The following SNCB variants were observed in gnomAD, a reference collection of about 807,000 sequenced individuals.
SNCB encodes synuclein beta, also known as beta-synuclein.
Under a neutral mutation model 20.0 loss-of-function variants are expected in SNCB, and 8 were observed. The observed-to-expected ratio is 0.40, with a 90% CI of 0.24 to 0.72. The LOEUF is 0.72. SNCB is among the 30% of genes least tolerant of loss of function. The probability of loss-of-function intolerance (pLI) is 0.37; values close to 1 mark genes in which losing one functional copy is unlikely to be tolerated. For synonymous variants in SNCB, 56 were observed against 65.4 expected (o/e 0.86, Z 0.69); for missense variants, 125 against 168.0 (o/e 0.74, Z 1.41).
At position 176,629,747 on chromosome 5, in the gene SNCB, A is replaced by G. The variant is rs1320651006; in HGVS notation, c.-9-84T>C. On this transcript the variant is annotated intron_variant, in intron 1 of 5. Transcript: ENST00000393693. The surrounding 1 kb of genome is among the most constrained non-coding windows in gnomAD (Gnocchi z 4.1). ...TCCCGCGGGACGCAGATGCCCCCCT[A>G]CTCCCGAGACCGCGGCGCCCTTCTG... 6.6e-7 allele frequency: 1 copy of G among 1,507,144 alleles called. No homozygotes were observed. Among genetic ancestry groups the G allele is most frequent in the Admixed American group, 1.9e-5 (1 of 52,600 alleles). 93.4% of individuals were successfully genotyped at this position (1,507,144 alleles called of 1,614,324 possible). A position where few individuals can be genotyped will look rare whatever the true frequency, so the allele number is the denominator to read the frequency against.
rs769078703 is a variant in SNCB, at chr5:176,626,566, ACCGATGC to A, written c.164-57_164-51del. On this transcript the variant is annotated intron_variant, in intron 3 of 5. Coordinates refer to ENST00000393693, the MANE Select transcript of SNCB (RefSeq NM_003085.5). The surrounding 1 kb of genome is among the most constrained non-coding windows in gnomAD (Gnocchi z 4.2). Reference sequence around the variant, plus strand: ...AGGGGTTTGGGAGCCAGGGGGAAACACCGATGCCCTGCCTTGTAGTATCCCAGGGCCT... The same window carrying A: ...AGGGGTTTGGGAGCCAGGGGGAAACACCTGCCTTGTAGTATCCCAGGGCCT... 90 of 1,532,798 alleles carry A rather than the reference ACCGATGC, an allele frequency of 5.9e-5. No individual in the cohort carries two copies. The highest frequency in any genetic ancestry group is 7.7e-5 in the Non-Finnish European group (85 of 1,106,110). The allele number at this position is 1,532,798 out of a possible 1,614,324, so 94.9% of individuals were successfully genotyped here.
intron 2 of SNCB, among the ~76,000 whole-genome samples, chr5:176,628,319 C>A (rs567491910): frequency 3.9e-5 from 6 of 152,174 alleles, no homozygotes; most frequent in African/African-American, 1.2e-4. Context: ...GAGGCCAGAG[C>A]TGGGATCAAG....
Position 176,626,678 on chromosome 5 carries a change from G to C in SNCB, c.163+42C>G, listed in dbSNP as rs199524783. ...CCTCTGGTTCCCGGCCAGATCATCCGCCTAAGTGAGAGAAGGGCTGGTGCC... is the reference window on the plus strand; with the variant it reads ...CCTCTGGTTCCCGGCCAGATCATCCCCCTAAGTGAGAGAAGGGCTGGTGCC... On this transcript the variant is annotated intron_variant, in intron 3 of 5. Coordinates refer to ENST00000393693, the MANE Select transcript of SNCB (RefSeq NM_003085.5). The surrounding 1 kb of genome is among the most constrained non-coding windows in gnomAD (Gnocchi z 4.2). The C allele has an allele frequency of 8.1e-6, 13 of 1,607,472 alleles. No homozygotes were observed. The South Asian group carries it at 1.1e-4, about 14-fold the overall frequency.
At chr5:176,628,518 T>C (rs1474157102) in intron 2 of SNCB, among the ~76,000 whole-genome samples, 1 of 152,198 alleles carries the variant, frequency 6.6e-6, no homozygotes, top group African/African-American at 2.4e-5. Flanking sequence ...AACAACGTTT[T>C]GCCCTGGCCT....
At position 176,629,342 on chromosome 5, in the gene SNCB, G is replaced by T. The variant is rs527712675; in HGVS notation, c.121+192C>A. 3 of 608,032 alleles carry T rather than the reference G, an allele frequency of 4.9e-6. No individual in the cohort carries two copies. In the Admixed American group the frequency reaches 9.1e-5, roughly 18 times the overall value. The allele number at this position is 608,032 out of a possible 1,614,324, so 37.7% of individuals were successfully genotyped here. On this transcript the variant is annotated intron_variant, in intron 2 of 5. Transcript: ENST00000393693. The surrounding 1 kb of genome is among the most constrained non-coding windows in gnomAD (Gnocchi z 4.1). ...GCCCCCCACCTCATCAGCCCGCCCC[G>T]TGTCCCCATTTCCGGATACAGACCC...
At position 176,626,243 on chromosome 5, in the gene SNCB, G is replaced by A. The variant is rs1459648861; in HGVS notation, c.282+155C>T. On this transcript the variant is annotated intron_variant, in intron 4 of 5. Transcript: ENST00000393693. The surrounding 1 kb of genome is among the most constrained non-coding windows in gnomAD (Gnocchi z 4.2). Reference sequence around the variant, plus strand: ...ATGCATTCTGAGCTGAGTCTAGCACGGGCCTGCAGGATGGGAGGCAAAGTG... The same window carrying A: ...ATGCATTCTGAGCTGAGTCTAGCACAGGCCTGCAGGATGGGAGGCAAAGTG... Among the ~76,000 whole-genome samples the A allele has an allele frequency of 4.6e-5, 7 of 152,066 alleles. No individual in the cohort carries two copies. Among genetic ancestry groups the A allele is most frequent in the African/African-American group, 9.7e-5 (4 of 41,394 alleles).
intron 4 of SNCB, among the ~76,000 whole-genome samples, chr5:176,624,124 T>C (rs1328716409): frequency 6.6e-6 from 1 of 152,094 alleles, no homozygotes; most frequent in Admixed American, 6.5e-5. Context: ...CAAGCACCAG[T>C]AGGAGAAAGG....
intron 4 of SNCB, among the ~76,000 whole-genome samples, chr5:176,624,222 CAGCACT>C (rs1274071844): frequency 2.0e-5 from 3 of 152,212 alleles, no homozygotes; most frequent in Non-Finnish European, 4.4e-5. Flanking sequence ...CCCCAGCTCG[CAGCACT>C]AGGACTGGCC....
chr5:176,625,054 G>A lies in SNCB; in HGVS notation c.282+1344C>T, dbSNP rs1323715739. ...GAGCCCCCATCCCCATGGAGGCAGG[G>A]TCTGCACGCGTCCATGGACAGACAC... On this transcript the variant is annotated intron_variant, in intron 4 of 5. Coordinates refer to ENST00000393693, the MANE Select transcript of SNCB (RefSeq NM_003085.5). Among the ~76,000 whole-genome samples the A allele has an allele frequency of 2.0e-5, 3 of 152,188 alleles. No homozygotes were observed. In the South Asian group the frequency reaches 6.2e-4, roughly 32 times the overall value.
In SNCB at chr5:176,625,905, G is replaced by A. The variant is rs371772339; in HGVS notation, c.282+493C>T. On this transcript the variant is annotated intron_variant, in intron 4 of 5. Transcript: ENST00000393693. ...TCACCCCTTGCCTGTCTGTCCCATCGCCCTCTCTGTCTTTTCTCTGTAGCA... is the reference window on the plus strand; with the variant it reads ...TCACCCCTTGCCTGTCTGTCCCATCACCCTCTCTGTCTTTTCTCTGTAGCA... 1.2e-4 allele frequency among the ~76,000 whole-genome samples: 18 copies of A among 152,132 alleles called. No individual in the cohort carries two copies. In the South Asian group the frequency reaches 3.7e-3, roughly 32 times the overall value.
chr5:176,629,522 C>A lies in SNCB; in HGVS notation c.121+12G>T. 10 of 1,612,496 alleles carry A rather than the reference C, an allele frequency of 6.2e-6. No homozygotes were observed. Among genetic ancestry groups the A allele is most frequent in the Admixed American group, 1.7e-5 (1 of 59,922 alleles). ...CAGCCCTGCAGCCCCAGAAACCCCGCCCCTTACCCACCGACGTAGAGGACG... is the reference window on the plus strand; with the variant it reads ...CAGCCCTGCAGCCCCAGAAACCCCGACCCTTACCCACCGACGTAGAGGACG... On this transcript the variant is annotated intron_variant, in intron 2 of 5. Transcript: ENST00000393693. This position sits in a 1 kb window ranked among gnomAD's most constrained non-coding sequence, Gnocchi z 4.1.
chr5:176,622,734 T>A (rs1012084465), intron 4 of SNCB, among the ~76,000 whole-genome samples: 2 of 38,824 alleles, frequency 5.2e-5, no homozygotes, highest in Non-Finnish European at 8.4e-5. Flanking sequence ...CATGATGACT[T>A]TTTTTTTTTT....
intron 4 of SNCB, among the ~76,000 whole-genome samples, chr5:176,622,710 A>T (rs1292471336): frequency 6.6e-6 from 1 of 151,198 alleles, no homozygotes; most frequent in Non-Finnish European, 1.5e-5. Context: ...TACAGAACAG[A>T]AGAGCATGGC....
chr5:176,626,853 G>A lies in SNCB; in HGVS notation c.122-92C>T. The A allele has an allele frequency of 1.5e-6, 2 of 1,378,286 alleles. No homozygotes were observed. The highest frequency in any genetic ancestry group is 1.0e-6 in the Non-Finnish European group (1 of 966,752). 85.4% of individuals were successfully genotyped at this position (1,378,286 alleles called of 1,614,324 possible). ...TGGTGATTACAGAGTGGGCATCCTG[G>A]CCCCGTCACTGCCTCCTTGGGTCCC... On this transcript the variant is annotated intron_variant, in intron 2 of 5. Coordinates refer to ENST00000393693, the MANE Select transcript of SNCB (RefSeq NM_003085.5). The surrounding 1 kb of genome is among the most constrained non-coding windows in gnomAD (Gnocchi z 4.2).
At chr5:176,623,875 TAGC>T (rs2113387089) in intron 4 of SNCB, among the ~76,000 whole-genome samples, 1 of 152,220 alleles carries the variant, frequency 6.6e-6, no homozygotes, top group Non-Finnish European at 1.5e-5. Context: ...GGCCACCTGG[TAGC>T]TACCTGGCAT....
Position 176,620,840 on chromosome 5 carries a change from C to T in SNCB, c.376G>A (p.Glu126Lys), listed in dbSNP as rs1759538365. 3 of 1,613,858 alleles carry T rather than the reference C, an allele frequency of 1.9e-6. No homozygotes were observed. The highest frequency in any genetic ancestry group is 1.7e-5 in the Admixed American group (1 of 60,022). Residue 126 changes from glutamate to lysine, a missense_variant, in exon 6 of 6, where the codon GAA becomes AAA. By Grantham distance (56) the Glu-to-Lys change is moderately conservative. Transcript: ENST00000393693. The surrounding 1 kb of genome is among the most constrained non-coding windows in gnomAD (Gnocchi z 4.5). ...GCCTCTGGCTCATACTCCTGATATT[C>T]CTCCTGCATCACCGGGATGGGGGTG... ...GESYEDPPQE[E>K]YQEYEPEA
intron 4 of SNCB, among the ~76,000 whole-genome samples, chr5:176,624,553 C>A (rs536123250): frequency 6.6e-6 from 1 of 152,258 alleles, no homozygotes; most frequent in Non-Finnish European, 1.5e-5. Flanking sequence ...GTAATCCCAG[C>A]ACTCTGGGAG....
intron 4 of SNCB, among the ~76,000 whole-genome samples, chr5:176,622,489 CAACAAAACAA>C (rs59319062): frequency 5.5e-4 from 83 of 149,586 alleles, no homozygotes; most frequent in Non-Finnish European, 8.0e-4. Flanking sequence ...GACTCCATCT[CAACAAAACAA>C]AACAAAACAA....
Position 176,626,885 on chromosome 5 carries a change from C to T in SNCB, c.122-124G>A, listed in dbSNP as rs1759994354. 1 of 940,970 alleles carries T rather than the reference C, an allele frequency of 1.1e-6. No homozygotes were observed. The highest frequency in any genetic ancestry group is 1.7e-6 in the Non-Finnish European group (1 of 577,942). 58.3% of individuals were successfully genotyped at this position (940,970 alleles called of 1,614,324 possible). A position where few individuals can be genotyped will look rare whatever the true frequency, so the allele number is the denominator to read the frequency against. Reference sequence around the variant, plus strand: ...CACTGCCTCCTTGGGTCCCCACATCCTACAACCTGCACCCCCATGTTAACC... The same window carrying T: ...CACTGCCTCCTTGGGTCCCCACATCTTACAACCTGCACCCCCATGTTAACC... On this transcript the variant is annotated intron_variant, in intron 2 of 5. Transcript: ENST00000393693. This position sits in a 1 kb window ranked among gnomAD's most constrained non-coding sequence, Gnocchi z 4.2.
Sources: allele counts gnomAD v4.1 joint callset (sites outside exome capture counted in the v4.1 genomes callset), GRCh38; gene constraint gnomAD v4.1.1; non-coding constraint Gnocchi (gnomAD v3.1); transcripts MANE v1.5; gene names NCBI Gene and HGNC (gene_info 2026-07-23, HGNC 2026-07-21).